Variants in ODF2 observed in about 807,000 individuals in gnomAD.
ODF2 encodes outer dense fiber protein 2.
Under a neutral mutation model 110.2 loss-of-function variants are expected in ODF2, and 47 were observed. The ratio of observed to expected loss-of-function variants is 0.43; its 90% CI spans 0.34 to 0.54. The LOEUF (loss-of-function observed/expected upper bound fraction) is 0.54, where lower values mean the gene tolerates loss of function less well. ODF2 is among the 20% of genes least tolerant of loss of function. ODF2 has a pLI of 0.03. For synonymous variants in ODF2, 352 were observed against 397.7 expected (o/e 0.89, Z 1.37); for missense variants, 812 against 1,054.5 (o/e 0.77, Z 3.19).
At chr9:128,482,688 C>G (rs1196214618) in intron 9 of ODF2, 128 bp from the exon 10 acceptor site, 5 of 568,118 alleles carry the variant, frequency 8.8e-6, no homozygotes, top group Non-Finnish European at 1.6e-5. Flanking sequence ...CTACCAGAAT[C>G]TCTGACATGG....
chr9:128,483,983 A>G, exon 11 of ODF2: 1 of 1,613,946 alleles, frequency 6.2e-7, no homozygotes, highest in Non-Finnish European at 8.5e-7. Context: ...CATGGAGTCC[A>G]TGCGTGGGCA....
chr9:128,457,433 C>T, exon 2 of ODF2: 1 of 1,611,266 alleles, frequency 6.2e-7, no homozygotes, highest in African/African-American at 1.3e-5. Flanking sequence ...AGGCGGCTCC[C>T]CCAGGTATTG....
Position 128,485,213 on chromosome 9 carries a change from A to G in ODF2, c.1291-152A>G. 1 of 613,942 alleles carries G rather than the reference A, an allele frequency of 1.6e-6. No homozygotes were observed. 38.0% of individuals were successfully genotyped at this position (613,942 alleles called of 1,614,324 possible). On this transcript the variant is annotated intron_variant, in intron 12 of 20. Transcript: ENST00000604420. The surrounding 1 kb of genome is among the most constrained non-coding windows in gnomAD (Gnocchi z 5.0). ...ATCTGGGAGCACTAGCTGGGCTCCC[A>G]CTGTTGCTTCCAGCGCCCTCTAGAA...
chr9:128,482,812 C>A lies in ODF2; in HGVS notation c.916-4C>A, dbSNP rs1842657817. On this transcript the variant is annotated splice_region_variant and splice_polypyrimidine_tract_variant and intron_variant, in intron 9 of 20. Coordinates refer to ENST00000604420, the Ensembl canonical transcript of ODF2. ...GGCACCTGACAGCCTGTGTTCTCTCCCAGCGCCTGCTGTTACTGCTGCAAG... is the reference window on the plus strand; with the variant it reads ...GGCACCTGACAGCCTGTGTTCTCTCACAGCGCCTGCTGTTACTGCTGCAAG... The A allele has an allele frequency of 3.1e-6, 5 of 1,613,468 alleles. No individual in the cohort carries two copies. Among genetic ancestry groups the A allele is most frequent in the Non-Finnish European group, 4.2e-6 (5 of 1,179,656 alleles).
chr9:128,460,249 A>T (rs1461276548), intron 3 of ODF2: 2 of 1,339,018 alleles, frequency 1.5e-6, no homozygotes, highest in African/African-American at 2.9e-5. Flanking sequence ...TTTAGAGGAG[A>T]TCCAGCCCTA....
At chr9:128,495,929 C>G (rs1845492574) in intron 17 of ODF2, 112 bp from the exon 18 acceptor site, 1 of 1,283,268 alleles carries the variant, frequency 7.8e-7, no homozygotes, top group African/African-American at 1.5e-5. Context: ...ACTTGGACAC[C>G]TGCTGAGGGC....
In ODF2 at chr9:128,496,011, G is replaced by A. The variant is rs767095142; in HGVS notation, c.1912-30G>A. 6.2e-6 allele frequency: 10 copies of A among 1,612,740 alleles called. No homozygotes were observed. The South Asian group carries it at 1.1e-4, about 18-fold the overall frequency. ...GAGGGCTCTAGCGGGAAATTCCTTT[G>A]TAAACCAGTCTGTGTTCCTGTCATT... On this transcript the variant is annotated intron_variant, in intron 17 of 20. Transcript: ENST00000604420.
chr9:128,499,564 G>T (rs1457500277), intron 20 of ODF2, among the ~76,000 whole-genome samples: 2 of 151,972 alleles, frequency 1.3e-5, no homozygotes, highest in Admixed American at 1.3e-4. Context: ...CAAAGTGCTG[G>T]GATTACAGGT....
At chr9:128,496,058 C>G (rs778843952) in exon 18 of ODF2, 1 of 1,613,652 alleles carries the variant, frequency 6.2e-7, no homozygotes, top group African/African-American at 1.3e-5. Context: ...ACCAGGGGGA[C>G]AAGCTGGAGA....
intron 1 of ODF2, chr9:128,456,813 C>T (rs968599527): frequency 1.6e-6 from 2 of 1,236,070 alleles, no homozygotes; most frequent in Non-Finnish European, 1.0e-6. Flanking sequence ...GCTCAGAACT[C>T]TGTTCGGTTT....
upstream of ODF2, chr9:128,456,006 TGGCGG>T (rs1834677212): frequency 2.1e-6 from 3 of 1,420,358 alleles, no homozygotes; most frequent in Non-Finnish European, 2.8e-6. Flanking sequence ...GCGGCCCTTC[TGGCGG>T]GGCGGGGCAT....
intron 1 of ODF2, chr9:128,456,788 C>A: frequency 7.5e-7 from 1 of 1,327,070 alleles, no homozygotes; most frequent in Non-Finnish European, 9.7e-7. Flanking sequence ...CCCCTCCCAG[C>A]CCGGCGTCTA....
chr9:128,484,971 GGGGA>G, intron 12 of ODF2, 85 bp downstream of exon 12: 1 of 1,355,094 alleles, frequency 7.4e-7, no homozygotes, highest in Non-Finnish European at 1.0e-6. Context: ...GATGGGTAGC[GGGGA>G]GGGGTGGGTG....
At chr9:128,465,733 C>G (rs1484394325) in intron 4 of ODF2, among the ~76,000 whole-genome samples, 6 of 148,092 alleles carry the variant, frequency 4.1e-5, no homozygotes, top group Non-Finnish European at 8.9e-5. Context: ...GAGCGAGACT[C>G]CGTCTCAAAA....
exon 11 of ODF2, chr9:128,484,007 C>T: frequency 1.2e-6 from 2 of 1,613,652 alleles, no homozygotes; most frequent in Non-Finnish European, 1.7e-6. Context: ...GCAGGCACAG[C>T]TTCGGTCCAA....
exon 4 of ODF2, chr9:128,460,995 C>T: frequency 6.2e-7 from 1 of 1,614,160 alleles, no homozygotes; most frequent in Non-Finnish European, 8.5e-7. Context: ...GGCGGAGTGT[C>T]CGGGTGAAAA....
chr9:128,460,021 T>G (rs1216663866), intron 3 of ODF2: 1 of 672,306 alleles, frequency 1.5e-6, no homozygotes, highest in Non-Finnish European at 2.3e-6. Flanking sequence ...TCATGTTTTC[T>G]TTAGAATCTA....
At chr9:128,455,891 A>C, upstream of ODF2, 1 of 1,263,966 alleles carries the variant, frequency 7.9e-7, no homozygotes, top group Non-Finnish European at 1.0e-6. Flanking sequence ...AGGCAGGGGA[A>C]ACAGGGCCGA....
chr9:128,489,404 AC>A (rs1431511022), intron 14 of ODF2, among the ~76,000 whole-genome samples: 1 of 152,158 alleles, frequency 6.6e-6, no homozygotes, highest in Admixed American at 6.5e-5. Context: ...CACCCTAGTG[AC>A]CTTTCTTGTT....
Sources: gnomAD v4.1 joint callset for allele counts (sites outside exome capture counted in the v4.1 genomes callset) on GRCh38, gnomAD v4.1.1 for gene constraint, Gnocchi (gnomAD v3.1) non-coding constraint, MANE v1.5 for transcripts, NCBI Gene and HGNC (gene_info 2026-07-23, HGNC 2026-07-21) for gene names.